Variants in RELL1 observed in about 807,000 individuals in gnomAD.
RELL1 encodes the protein RELT-like protein 1.
A neutral mutation model predicts 23.0 loss-of-function variants in RELL1; 10 were observed. The observed-to-expected ratio is 0.43, with a 90% CI of 0.27 to 0.74. RELL1 has a LOEUF of 0.74. Among genes scored for constraint, RELL1 ranks in the 30% least tolerant of loss-of-function variants. The pLI, the probability that RELL1 is intolerant of heterozygous loss-of-function variation, is 0.19. For synonymous variants in RELL1, 146 were observed against 146.8 expected (o/e 0.99, Z 0.04); for missense variants, 315 against 364.4 (o/e 0.86, Z 1.10).
At position 37,647,372 on chromosome 4, in the gene RELL1, A is replaced by G. The variant is rs1450937594; in HGVS notation, c.381T>C (p.Asn127=). The change falls in exon 3 of 7, where the codon AAT becomes AAC. Residue 127 remains asparagine (N), a synonymous_variant. Coordinates refer to ENST00000454158, the MANE Select transcript of RELL1 (RefSeq NM_001085400.2). ...VGQIVHYIMK[N]EANADVLKAM... ...GGAACACTAAAATGTTCACACCTTC[A>G]TTTTTCATGATGTAGTGGACGATTT... 5 of 1,609,916 alleles carry G rather than the reference A, an allele frequency of 3.1e-6. No individual in the cohort carries two copies. Among genetic ancestry groups the G allele is most frequent in the Non-Finnish European group, 3.4e-6 (4 of 1,176,444 alleles).
intron 6 of RELL1, chr4:37,623,504 C>T (rs1182974522): frequency 6.6e-6 from 1 of 152,324 alleles, no homozygotes; most frequent in Non-Finnish European, 1.5e-5. Flanking sequence ...CCCTCTAAGC[C>T]TGGCTCTTCA....
At position 37,660,303 on chromosome 4, in the gene RELL1, C is replaced by G. The variant is rs894512567; in HGVS notation, c.89-10803G>C. On this transcript the variant is annotated intron_variant, in intron 1 of 6. Transcript: ENST00000454158. ...TCATCTAAAAAATTACAAGCAGGAG[C>G]TGATGTTCTTCATGATTCTCAAAAT... Among the ~76,000 whole-genome samples, 3 of 152,036 alleles carry G rather than the reference C, an allele frequency of 2.0e-5. No individual in the cohort carries two copies. The South Asian group carries it at 6.2e-4, about 32-fold the overall frequency.
intron 3 of RELL1, among the ~76,000 whole-genome samples, chr4:37,643,012 C>T (rs1174568537): frequency 1.3e-5 from 2 of 152,180 alleles, no homozygotes; most frequent in Non-Finnish European, 2.9e-5. Flanking sequence ...TAAAGTGTTT[C>T]CCTGAGTCCT....
chr4:37,666,978 C>T (rs536282609), intron 1 of RELL1, among the ~76,000 whole-genome samples: 1 of 152,206 alleles, frequency 6.6e-6, no homozygotes, highest in South Asian at 2.1e-4. Context: ...AGGATCTGTC[C>T]CGGCTGAAGT....
intron 6 of RELL1, among the ~76,000 whole-genome samples, chr4:37,599,529 A>T (rs1440864375): frequency 6.6e-6 from 1 of 152,170 alleles, no homozygotes; most frequent in Non-Finnish European, 1.5e-5. Context: ...CAATTCTAAC[A>T]AAAGCTTTAT....
intron 1 of RELL1, among the ~76,000 whole-genome samples, chr4:37,661,039 A>AG: frequency 6.6e-6 from 1 of 151,778 alleles, no homozygotes; most frequent in East Asian, 2.0e-4. Context: ...TCAAAAAAAA[A>AG]AAACAAAAAA....
At chr4:37,588,957 C>T, downstream of RELL1, 1 of 1,285,682 alleles carries the variant, frequency 7.8e-7, no homozygotes, top group Middle Eastern at 1.8e-4. Context: ...CGTGGGGTCA[C>T]TTTTAAAGAC....
intron 6 of RELL1, among the ~76,000 whole-genome samples, chr4:37,604,446 A>G (rs562067570): frequency 1.3e-5 from 2 of 152,230 alleles, no homozygotes; most frequent in Non-Finnish European, 2.9e-5. Flanking sequence ...AAATGACCAA[A>G]TCAACCTTTC....
chr4:37,677,796 C>A (rs1465824362), intron 1 of RELL1, among the ~76,000 whole-genome samples: 2 of 152,124 alleles, frequency 1.3e-5, no homozygotes, highest in East Asian at 3.9e-4. Context: ...CATGGTGAAA[C>A]CCAGTCTCTA....
At chr4:37,624,205 G>GA (rs1210771531) in intron 6 of RELL1, among the ~76,000 whole-genome samples, 1 of 152,154 alleles carries the variant, frequency 6.6e-6, no homozygotes, top group Non-Finnish European at 1.5e-5. Flanking sequence ...TTTGAGCCAT[G>GA]AAAGAGTCTT....
chr4:37,598,985 C>T (rs1416693368), intron 6 of RELL1, among the ~76,000 whole-genome samples: 1 of 152,060 alleles, frequency 6.6e-6, no homozygotes, highest in African/African-American at 2.4e-5. Flanking sequence ...GCGCCTGGCC[C>T]AAACCTGTGC....
intron 1 of RELL1, among the ~76,000 whole-genome samples, chr4:37,681,518 GTTTTTTTTTTTTT>G (rs55800176): frequency 6.5e-4 from 37 of 56,956 alleles, no homozygotes; most frequent in South Asian, 4.6e-3. Context: ...GTCTCCTTCT[GTTTTTTTTTTTTT>G]TTTTTTTTTT....
intron 1 of RELL1, among the ~76,000 whole-genome samples, chr4:37,673,567 C>T (rs2109311349): frequency 6.6e-6 from 1 of 152,288 alleles, no homozygotes; most frequent in South Asian, 2.1e-4. Flanking sequence ...TTGTTTCTAT[C>T]TGCATATCAT....
chr4:37,645,520 AT>A (rs1720679397), intron 3 of RELL1, among the ~76,000 whole-genome samples: 2 of 152,292 alleles, frequency 1.3e-5, no homozygotes, highest in Admixed American at 1.3e-4. Context: ...CTTTTTTGTT[AT>A]TTTAAACATC....
At chr4:37,640,547 T>G (rs1035849866) in intron 3 of RELL1, among the ~76,000 whole-genome samples, 25 of 152,320 alleles carry the variant, frequency 1.6e-4, no homozygotes, top group African/African-American at 5.8e-4. Flanking sequence ...CCCAGATCCG[T>G]GCAGACACCA....
At chr4:37,660,753 C>T (rs752942399) in intron 1 of RELL1, among the ~76,000 whole-genome samples, 27 of 152,218 alleles carry the variant, frequency 1.8e-4, no homozygotes, top group Non-Finnish European at 3.1e-4. Flanking sequence ...GTTAAGAGGC[C>T]GGGCGCGGTG....
chr4:37,614,403 T>C (rs1349958257), intron 6 of RELL1, among the ~76,000 whole-genome samples: 1 of 151,998 alleles, frequency 6.6e-6, no homozygotes, highest in Admixed American at 6.6e-5. Context: ...ATTTCCCAAA[T>C]GAGATGATGA....
intron 6 of RELL1, among the ~76,000 whole-genome samples, chr4:37,602,168 G>A (rs116441860): frequency 0.043 from 5,921 of 138,324 alleles, 129 homozygotes; most frequent in Middle Eastern, 0.069. Flanking sequence ...GGTGAGCCAT[G>A]ATTGTGCCAC....
chr4:37,634,935 T>C lies in RELL1; in HGVS notation c.632A>G (p.Glu211Gly), dbSNP rs1720266533. The C allele has an allele frequency of 1.2e-6, 2 of 1,614,258 alleles. No individual in the cohort carries two copies. The highest frequency in any genetic ancestry group is 1.7e-5 in the Admixed American group (1 of 60,032). ...CTCGCCTTGGCGCCGTGGTCTGCTC[T>C]CTCTGGACTTGTTAGTGGGCTTTAT... ...HFIKPTNKSR[E>G]SRPRRQGEVT... is the part of the protein sequence containing the mutation. The change falls in exon 5 of 7, where the codon GAG becomes GGG. Residue 211 changes from glutamate (E) to glycine (G), a missense_variant. Transcript: ENST00000454158.
Sources: allele counts gnomAD v4.1 joint callset (sites outside exome capture counted in the v4.1 genomes callset), GRCh38; gene constraint gnomAD v4.1.1; transcripts MANE v1.5; gene names NCBI Gene and HGNC (gene_info 2026-07-23, HGNC 2026-07-21).